The following CLRN1 variants were observed in gnomAD, a reference collection of about 807,000 sequenced individuals.
CLRN1 encodes the protein clarin-1.
In CLRN1, 15 loss-of-function variants were observed where a neutral mutation model predicts 18.7. The ratio of observed to expected loss-of-function variants is 0.80; its 90% CI spans 0.54 to 1.23. CLRN1 has a LOEUF of 1.23. Ranked by LOEUF, CLRN1 falls within the 50% of genes most tolerant of loss-of-function variation. CLRN1 has a pLI of 0.00. For missense variants in CLRN1, 311 were observed against 277.5 expected, an observed-to-expected ratio of 1.12 and a Z score of -0.86; for synonymous variants, 104 against 102.9, an observed-to-expected ratio of 1.01 and a Z score of -0.07.
At chr3:150,943,860 C>A (rs1372439067) in intron 1 of CLRN1, 3 of 1,614,066 alleles carry the variant, frequency 1.9e-6, no homozygotes, top group Admixed American at 1.7e-5. Context: ...TTACTCCTCA[C>A]AGCACTAAAG....
intron 1 of CLRN1, among the ~76,000 whole-genome samples, chr3:150,955,421 C>T (rs954854205): frequency 5.9e-5 from 9 of 152,052 alleles, no homozygotes; most frequent in Non-Finnish European, 1.3e-4. Flanking sequence ...CGACTGAAAA[C>T]AAATCAAAGC....
chr3:150,927,043 A>G lies in CLRN1; in HGVS notation c.*893T>C. Reference sequence around the variant, plus strand: ...CTCGAGACACTATAGCTAGAAAAACAGCCCCTAATAAGTCATTTTGCATCA... The same window carrying G: ...CTCGAGACACTATAGCTAGAAAAACGGCCCCTAATAAGTCATTTTGCATCA... On this transcript the variant is annotated 3_prime_UTR_variant, in exon 3 of 3. Coordinates refer to ENST00000327047, the MANE Select transcript of CLRN1 (RefSeq NM_174878.3). 1 of 1,197,078 alleles carries G rather than the reference A, an allele frequency of 8.4e-7. No homozygotes were observed. Among genetic ancestry groups the G allele is most frequent in the African/African-American group, 1.5e-5 (1 of 66,710 alleles). 74.2% of individuals were successfully genotyped at this position (1,197,078 alleles called of 1,614,324 possible).
Position 150,937,224 on chromosome 3 carries a change from T to C in CLRN1, c.433+4358A>G, listed in dbSNP as rs138000118. Among the ~76,000 whole-genome samples the C allele has an allele frequency of 3.5e-4, 53 of 152,332 alleles. 1 individual carries two copies. The East Asian group carries it at 9.5e-3, about 27-fold the overall frequency. ...ATTGCAATCTGTAATCACTTAATTA[T>C]TGATATACACTTTTGTTTGACTCTC... is the stretch of plus-strand genomic sequence containing the variant. On this transcript the variant is annotated intron_variant, in intron 2 of 2. Transcript: ENST00000327047.
intron 1 of CLRN1, among the ~76,000 whole-genome samples, chr3:150,958,688 C>T (rs1393219918): frequency 6.6e-6 from 1 of 152,188 alleles, no homozygotes; most frequent in Non-Finnish European, 1.5e-5. Context: ...TTTTCCTATG[C>T]CTATTCCTCA....
At chr3:150,929,520 T>C (rs1288004989) in intron 2 of CLRN1, among the ~76,000 whole-genome samples, 1 of 152,226 alleles carries the variant, frequency 6.6e-6, no homozygotes, top group Admixed American at 6.5e-5. Context: ...TTACTTACTA[T>C]GTAAAAGTAG....
At position 150,969,292 on chromosome 3, in the gene CLRN1, A is replaced by AATATATATATATATATATATATATATAT. The variant is rs766087778; in HGVS notation, c.253+3163_253+3164insATATATATATATATATATATATATATAT. On this transcript the variant is annotated intron_variant, in intron 1 of 2. Coordinates refer to ENST00000327047, the MANE Select transcript of CLRN1 (RefSeq NM_174878.3). ...AGTACATATGTGGCTTGTGGCTTGT[A>AATATATATATATATATATATATATATAT]ATATATATATATATATATATATTTT... Among the ~76,000 whole-genome samples, 9 of 61,408 alleles carry AATATATATATATATATATATATATATAT rather than the reference A, an allele frequency of 1.5e-4. No individual in the cohort carries two copies. In the East Asian group the frequency reaches 1.8e-3, roughly 12 times the overall value. 40.3% of individuals were successfully genotyped at this position (61,408 alleles called of 152,430 possible).
chr3:150,955,257 A>G (rs562736639), intron 1 of CLRN1, among the ~76,000 whole-genome samples: 1 of 152,304 alleles, frequency 6.6e-6, no homozygotes, highest in Admixed American at 6.5e-5. Flanking sequence ...GAGATGGACC[A>G]AAAAAGGGAC....
intron 1 of CLRN1, among the ~76,000 whole-genome samples, chr3:150,962,642 G>A (rs1715091058): frequency 6.6e-6 from 1 of 152,158 alleles, no homozygotes; most frequent in Non-Finnish European, 1.5e-5. Flanking sequence ...TTGCTGTGGT[G>A]AAATCATTGC....
Position 150,966,068 on chromosome 3 carries a change from C to T in CLRN1, c.253+6388G>A, listed in dbSNP as rs578187592. ...GGCGTAGTGGCTTATGCCCATAATTCCAGCACTTTGGGAGGCCAATGCAGG... is the reference window on the plus strand; with the variant it reads ...GGCGTAGTGGCTTATGCCCATAATTTCAGCACTTTGGGAGGCCAATGCAGG... On this transcript the variant is annotated intron_variant, in intron 1 of 2. Transcript: ENST00000327047. Among the ~76,000 whole-genome samples the T allele has an allele frequency of 3.3e-5, 5 of 152,340 alleles. No homozygotes were observed. In the South Asian group the frequency reaches 1.0e-3, roughly 32 times the overall value.
At position 150,928,209 on chromosome 3, in the gene CLRN1, A is replaced by C; in HGVS notation, c.434-8T>G. On this transcript the variant is annotated splice_polypyrimidine_tract_variant and splice_region_variant and intron_variant, in intron 2 of 2. Transcript: ENST00000327047. The stretch of plus-strand genomic sequence containing the variant: ...CAAGACAGCCACAGGAGCCTGCAAC[A>C]GAAGAAACAAGGTGTTGGGACAAAT... The C allele has an allele frequency of 6.2e-7, 1 of 1,613,956 alleles. No homozygotes were observed.
chr3:150,929,026 A>G (rs1712985946), intron 2 of CLRN1, among the ~76,000 whole-genome samples: 1 of 152,214 alleles, frequency 6.6e-6, no homozygotes, highest in Non-Finnish European at 1.5e-5. Context: ...TATGCTGTGG[A>G]AAAACAAGAA....
chr3:150,960,335 G>A (rs1419487603), intron 1 of CLRN1, among the ~76,000 whole-genome samples: 2 of 152,148 alleles, frequency 1.3e-5, no homozygotes, highest in East Asian at 3.9e-4. Flanking sequence ...ATGTAGTGAG[G>A]TCCCAGGAGG....
intron 2 of CLRN1, among the ~76,000 whole-genome samples, chr3:150,935,340 C>G (rs575187612): frequency 7.0e-6 from 1 of 143,598 alleles, no homozygotes. Context: ...TTCCCCTTCC[C>G]GTGTCCATGT....
At chr3:150,928,288 C>A (rs1379533194) in intron 2 of CLRN1, 87 bp from the exon 3 acceptor site, 3 of 1,483,370 alleles carry the variant, frequency 2.0e-6, no homozygotes, top group Admixed American at 1.9e-5. Flanking sequence ...CCAAGGAATT[C>A]TCTTACCATC....
chr3:150,942,842 G>A (rs1576632495), intron 1 of CLRN1, among the ~76,000 whole-genome samples: 1 of 152,192 alleles, frequency 6.6e-6, no homozygotes, highest in Non-Finnish European at 1.5e-5. Flanking sequence ...GGCAGCAGAA[G>A]TACATTGTGC....
chr3:150,959,285 A>G (rs999093612), intron 1 of CLRN1, among the ~76,000 whole-genome samples: 9 of 152,130 alleles, frequency 5.9e-5, no homozygotes, highest in African/African-American at 2.2e-4. Context: ...AAGGCACATA[A>G]ACTCTTTAAC....
At chr3:150,959,932 G>A (rs1156694104) in intron 1 of CLRN1, among the ~76,000 whole-genome samples, 7 of 152,140 alleles carry the variant, frequency 4.6e-5, no homozygotes, top group South Asian at 2.1e-4. Context: ...AAGTCTGTAC[G>A]TAATGGCATT....
intron 2 of CLRN1, chr3:150,941,321 A>G: frequency 2.8e-6 from 1 of 355,068 alleles, no homozygotes; most frequent in Non-Finnish European, 5.2e-6. Context: ...TTTTGAGACA[A>G]GCGTTTATCC....
At chr3:150,944,208 A>G in intron 1 of CLRN1, 1 of 341,192 alleles carries the variant, frequency 2.9e-6, no homozygotes, top group South Asian at 2.6e-5. Flanking sequence ...GAGCCAGTGC[A>G]GTGGAGCCTG....
Sources: allele counts gnomAD v4.1 joint callset (sites outside exome capture counted in the v4.1 genomes callset), GRCh38; gene constraint gnomAD v4.1.1; transcripts MANE v1.5; gene names NCBI Gene and HGNC (gene_info 2026-07-23, HGNC 2026-07-21).